SOX5: variants seen among roughly 807,000 people sequenced by gnomAD.
SOX5 encodes the protein transcription factor SOX-5.
In SOX5, 9 loss-of-function variants were observed where a neutral mutation model predicts 92.0. The observed-to-expected ratio is 0.10, with a 90% CI of 0.06 to 0.17. The LOEUF (loss-of-function observed/expected upper bound fraction) is 0.17. Among genes scored for constraint, SOX5 ranks in the 10% least tolerant of loss-of-function variants. The probability of loss-of-function intolerance (pLI) is 1.00; values close to 1 mark genes in which losing one functional copy is unlikely to be tolerated. For missense variants in SOX5, 642 were observed against 944.5 expected (o/e 0.68, Z 4.20); for synonymous variants, 344 against 336.3 (o/e 1.02, Z -0.25).
chr12:24,345,283 C>T (rs772160496), intron 2 of SOX5, among the ~76,000 whole-genome samples: 6 of 152,202 alleles, frequency 3.9e-5, no homozygotes, highest in Non-Finnish European at 8.8e-5. Context: ...AACATAAATA[C>T]TAAAAGTTCC....
At chr12:24,330,351 G>A (rs1329887385) in intron 2 of SOX5, among the ~76,000 whole-genome samples, 4 of 152,104 alleles carry the variant, frequency 2.6e-5, no homozygotes, top group Non-Finnish European at 5.9e-5. Flanking sequence ...CAAGATGAAA[G>A]GAAAAAAAGG....
intron 4 of SOX5, among the ~76,000 whole-genome samples, chr12:24,164,162 G>A (rs1202397054): frequency 6.6e-6 from 1 of 151,924 alleles, no homozygotes; most frequent in Non-Finnish European, 1.5e-5. Context: ...CAAGTCCCCA[G>A]ATACACAATA....
chr12:23,900,505 T>C (rs186529738), intron 1 of SOX5, among the ~76,000 whole-genome samples: 229 of 152,268 alleles, frequency 1.5e-3, no homozygotes, highest in Admixed American at 3.9e-3. Flanking sequence ...TTCTAAACCT[T>C]TGCCTGCACA....
intron 4 of SOX5, among the ~76,000 whole-genome samples, chr12:24,009,683 A>G (rs988511172): frequency 1.3e-5 from 2 of 152,232 alleles, no homozygotes; most frequent in African/African-American, 2.4e-5. Flanking sequence ...ATGAAAGCCA[A>G]AAAGAAAATG....
chr12:24,461,877 C>T (rs188723475), intron 1 of SOX5, among the ~76,000 whole-genome samples: 19 of 152,188 alleles, frequency 1.2e-4, no homozygotes, highest in East Asian at 3.9e-4. Flanking sequence ...AATATAATGG[C>T]GTATTCCCTG....
chr12:23,873,232 G>A (rs564141788), intron 2 of SOX5, among the ~76,000 whole-genome samples: 14 of 152,258 alleles, frequency 9.2e-5, no homozygotes, highest in African/African-American at 3.1e-4. Context: ...TGGCTCATGA[G>A]GCAGACAGAT....
intron 1 of SOX5, among the ~76,000 whole-genome samples, chr12:23,929,213 G>C (rs1280817809): frequency 6.6e-6 from 1 of 151,786 alleles, no homozygotes; most frequent in Admixed American, 6.6e-5. Context: ...TCACATTAAA[G>C]TCTGTAAAAA....
At chr12:24,553,689 G>T (rs1219854685) in intron 1 of SOX5, among the ~76,000 whole-genome samples, 1 of 152,252 alleles carries the variant, frequency 6.6e-6, no homozygotes, top group Admixed American at 6.5e-5. Flanking sequence ...ACACAAGGCA[G>T]AGTGGACAGT....
chr12:23,664,400 TA>T (rs1190553623), intron 7 of SOX5, among the ~76,000 whole-genome samples: 1 of 140,798 alleles, frequency 7.1e-6, no homozygotes, highest in East Asian at 2.0e-4. Flanking sequence ...AATATTTCAC[TA>T]TTTTTTTTCA....
chr12:24,127,532 C>G (rs556964810), intron 4 of SOX5, among the ~76,000 whole-genome samples: 1 of 152,060 alleles, frequency 6.6e-6, no homozygotes, highest in South Asian at 2.1e-4. Flanking sequence ...TCTAAGCCAC[C>G]TTGAAGGTAG....
chr12:24,436,589 T>C (rs756078418), intron 1 of SOX5, among the ~76,000 whole-genome samples: 9 of 152,092 alleles, frequency 5.9e-5, no homozygotes, highest in Non-Finnish European at 1.3e-4. Context: ...CTCCATAACA[T>C]AAAAGTGCAA....
intron 8 of SOX5, among the ~76,000 whole-genome samples, chr12:23,608,887 G>T (rs1427877399): frequency 2.6e-5 from 4 of 152,178 alleles, no homozygotes; most frequent in Non-Finnish European, 5.9e-5. Flanking sequence ...GACTATTATT[G>T]ATATAGCAGA....
chr12:24,293,801 C>T (rs946507470), intron 2 of SOX5, among the ~76,000 whole-genome samples: 4 of 152,166 alleles, frequency 2.6e-5, no homozygotes, highest in Admixed American at 2.6e-4. Context: ...GAAAATTCTA[C>T]TTTTCTAAAC....
rs1393681213 is a variant in SOX5 at position 23,827,401 on chromosome 12, G to A, written c.481+18582C>T. 2.0e-5 allele frequency among the ~76,000 whole-genome samples: 3 copies of A among 152,196 alleles called. No homozygotes were observed. In the South Asian group the frequency reaches 6.2e-4, roughly 32 times the overall value. ...CTTTTTCTACAGAGACAAACAAAAG[G>A]ATAAAGTTCAAGAAAAGTTCCTTAC... On this transcript the variant is annotated intron_variant, in intron 3 of 14. Coordinates refer to ENST00000451604, the MANE Select transcript of SOX5 (RefSeq NM_006940.6).
chr12:23,807,296 T>C (rs2095797400), intron 3 of SOX5, among the ~76,000 whole-genome samples: 1 of 152,196 alleles, frequency 6.6e-6, no homozygotes, highest in South Asian at 2.1e-4. Context: ...ACTATGAATG[T>C]AACCTTACTT....
At chr12:23,999,130 A>T (rs1331962163) in intron 4 of SOX5, among the ~76,000 whole-genome samples, 1 of 127,720 alleles carries the variant, frequency 7.8e-6, no homozygotes, top group Non-Finnish European at 1.7e-5. Context: ...GAAAGTAAAT[A>T]AAAAAGACTC....
At chr12:23,918,099 T>C (rs1415842107) in intron 1 of SOX5, among the ~76,000 whole-genome samples, 5 of 152,214 alleles carry the variant, frequency 3.3e-5, no homozygotes, top group African/African-American at 9.6e-5. Context: ...GTTTACTCTT[T>C]CTTCATTCTT....
At chr12:23,698,231 T>G (rs1040281501) in intron 6 of SOX5, among the ~76,000 whole-genome samples, 1 of 152,094 alleles carries the variant, frequency 6.6e-6, no homozygotes, top group Non-Finnish European at 1.5e-5. Context: ...TCTGACCATG[T>G]TTCTTCTGTT....
At chr12:23,820,737 G>A (rs1467343256) in intron 3 of SOX5, among the ~76,000 whole-genome samples, 1 of 152,044 alleles carries the variant, frequency 6.6e-6, no homozygotes, top group Non-Finnish European at 1.5e-5. Context: ...GTTTGTAGAT[G>A]CGTGGTATTA....
Sources: allele counts gnomAD v4.1 joint callset (sites outside exome capture counted in the v4.1 genomes callset), GRCh38; gene constraint gnomAD v4.1.1; transcripts MANE v1.5; gene names NCBI Gene and HGNC (gene_info 2026-07-23, HGNC 2026-07-21).